The following AUTS2 variants were observed in gnomAD, a reference collection of about 807,000 sequenced individuals.
AUTS2 encodes activator of transcription and developmental regulator AUTS2, also known as autism susceptibility gene 2 protein.
A neutral mutation model predicts 112.4 loss-of-function variants in AUTS2; 17 were observed. The ratio of observed to expected loss-of-function variants is 0.15; its 90% CI spans 0.10 to 0.23. The LOEUF is 0.23. AUTS2 is among the 10% of genes least tolerant of loss of function. The pLI, the probability that AUTS2 is intolerant of heterozygous loss-of-function variation, is 1.00. For synonymous variants in AUTS2, 751 were observed against 702.7 expected, an observed-to-expected ratio of 1.07 and a Z score of -1.09; for missense variants, 1,510 against 1,701.6, an observed-to-expected ratio of 0.89 and a Z score of 1.98.
chr7:70,098,122 T>G (rs575957808), intron 2 of AUTS2, among the ~76,000 whole-genome samples: 2 of 152,160 alleles, frequency 1.3e-5, no homozygotes, highest in Non-Finnish European at 2.9e-5. Context: ...ATTTAAGGTA[T>G]TCTTTGGAGT....
chr7:70,379,476 TGG>T, intron 4 of AUTS2, among the ~76,000 whole-genome samples: 1 of 150,862 alleles, frequency 6.6e-6, no homozygotes, highest in Middle Eastern at 3.4e-3. Context: ...CACTCCACCC[TGG>T]GTGACAGAGC....
At chr7:69,872,631 G>A (rs961705502) in intron 1 of AUTS2, among the ~76,000 whole-genome samples, 1 of 151,708 alleles carries the variant, frequency 6.6e-6, no homozygotes, top group Non-Finnish European at 1.5e-5. Flanking sequence ...TGAGAAAGTA[G>A]GCCTCCCTTT....
intron 4 of AUTS2, among the ~76,000 whole-genome samples, chr7:70,409,329 GTA>G (rs146260941): frequency 0.033 from 4,914 of 150,562 alleles, 96 homozygotes; most frequent in Middle Eastern, 0.092. Context: ...TGGTGTATTA[GTA>G]TATATATATA....
chr7:70,664,259 A>G (rs141890920), intron 5 of AUTS2, among the ~76,000 whole-genome samples: 68 of 152,364 alleles, frequency 4.5e-4, no homozygotes, highest in African/African-American at 1.4e-3. Context: ...ACAGTTTTGC[A>G]TCAAATGATT....
chr7:70,422,488 C>T (rs1321471163), intron 4 of AUTS2, among the ~76,000 whole-genome samples: 1 of 152,080 alleles, frequency 6.6e-6, no homozygotes, highest in East Asian at 1.9e-4. Flanking sequence ...AAAATTATAT[C>T]CATGTCAGCC....
intron 1 of AUTS2, among the ~76,000 whole-genome samples, chr7:69,742,680 G>A (rs1453685722): frequency 6.6e-6 from 1 of 152,156 alleles, no homozygotes; most frequent in Non-Finnish European, 1.5e-5. Flanking sequence ...ACCTTTGGTA[G>A]ATTATCTTAC....
At chr7:70,385,833 A>G (rs904496012) in intron 4 of AUTS2, among the ~76,000 whole-genome samples, 1 of 152,230 alleles carries the variant, frequency 6.6e-6, no homozygotes, top group Non-Finnish European at 1.5e-5. Flanking sequence ...AGTCTGGCAC[A>G]GAATGGTGAT....
chr7:70,507,897 G>A (rs1297065640), intron 5 of AUTS2, among the ~76,000 whole-genome samples: 3 of 152,212 alleles, frequency 2.0e-5, no homozygotes, highest in African/African-American at 4.8e-5. Flanking sequence ...GTGTGTGCAT[G>A]TACCTCATAT....
intron 4 of AUTS2, among the ~76,000 whole-genome samples, chr7:70,367,781 C>G (rs1792652848): frequency 6.6e-6 from 1 of 152,012 alleles, no homozygotes; most frequent in Non-Finnish European, 1.5e-5. Context: ...ATTGGGAGAA[C>G]AGAAAGATAT....
At position 70,078,085 on chromosome 7, in the gene AUTS2, A is replaced by G. The variant is rs79731886; in HGVS notation, c.523-40047A>G. Among the ~76,000 whole-genome samples the G allele has an allele frequency of 3.4e-4, 52 of 152,278 alleles. 1 individual carries two copies. In the East Asian group the frequency reaches 0.01, roughly 29 times the overall value. On this transcript the variant is annotated intron_variant, in intron 2 of 18. Coordinates refer to ENST00000342771, the MANE Select transcript of AUTS2 (RefSeq NM_015570.4). ...CTGTACTCAGGGTCAGGCATATGGTAGGTAGTCAGTGAATGTTTGTTTTTG... is the reference window on the plus strand; with the variant it reads ...CTGTACTCAGGGTCAGGCATATGGTGGGTAGTCAGTGAATGTTTGTTTTTG...
intron 4 of AUTS2, among the ~76,000 whole-genome samples, chr7:70,167,041 C>T (rs1808419359): frequency 6.6e-6 from 1 of 152,188 alleles, no homozygotes; most frequent in Non-Finnish European, 1.5e-5. Flanking sequence ...GCCTGGCCAA[C>T]ATGGTGAAAC....
At chr7:70,735,439 A>T (rs1182967061) in intron 6 of AUTS2, among the ~76,000 whole-genome samples, 2 of 152,206 alleles carry the variant, frequency 1.3e-5, no homozygotes, top group African/African-American at 2.4e-5. Context: ...GGTGGCTTCT[A>T]GAGTCAAGGC....
chr7:70,075,238 C>G (rs911888594), intron 2 of AUTS2, among the ~76,000 whole-genome samples: 5 of 152,148 alleles, frequency 3.3e-5, no homozygotes, highest in Non-Finnish European at 7.4e-5. Flanking sequence ...ACTTGTCTCC[C>G]CTATAACAAT....
chr7:70,056,677 A>C (rs1227689410), intron 2 of AUTS2, among the ~76,000 whole-genome samples: 1 of 152,180 alleles, frequency 6.6e-6, no homozygotes, highest in African/African-American at 2.4e-5. Context: ...TGAGGCCCTG[A>C]GCATGAAGAA....
At chr7:70,602,726 C>G (rs1246943668) in intron 5 of AUTS2, among the ~76,000 whole-genome samples, 1 of 152,180 alleles carries the variant, frequency 6.6e-6, no homozygotes, top group Non-Finnish European at 1.5e-5. Flanking sequence ...GTTTCTTGAA[C>G]ACATTCAACA....
chr7:69,936,020 A>C (rs1165394381), intron 2 of AUTS2, among the ~76,000 whole-genome samples: 1 of 152,244 alleles, frequency 6.6e-6, no homozygotes, highest in Non-Finnish European at 1.5e-5. Flanking sequence ...GGAATAATAT[A>C]ACAATGAGTT....
At chr7:69,620,112 G>A (rs1311863528) in intron 1 of AUTS2, among the ~76,000 whole-genome samples, 1 of 152,200 alleles carries the variant, frequency 6.6e-6, no homozygotes, top group Non-Finnish European at 1.5e-5. Context: ...CTTAAAATGA[G>A]CATGACATAC....
At chr7:69,954,671 A>G (rs1797150290) in intron 2 of AUTS2, among the ~76,000 whole-genome samples, 1 of 152,222 alleles carries the variant, frequency 6.6e-6, no homozygotes, top group Non-Finnish European at 1.5e-5. Flanking sequence ...GGACAGCTTC[A>G]TTATTTTGTA....
intron 5 of AUTS2, among the ~76,000 whole-genome samples, chr7:70,538,836 G>A (rs1224438587): frequency 1.3e-5 from 2 of 152,056 alleles, no homozygotes; most frequent in Non-Finnish European, 2.9e-5. Flanking sequence ...TGTTCTTTTC[G>A]TAGAACAGTT....
Sources: gnomAD v4.1 joint callset for allele counts (sites outside exome capture counted in the v4.1 genomes callset) on GRCh38, gnomAD v4.1.1 for gene constraint, MANE v1.5 for transcripts, NCBI Gene and HGNC (gene_info 2026-07-23, HGNC 2026-07-21) for gene names.